ADK: variants seen among roughly 807,000 people sequenced by gnomAD.
ADK encodes the protein adenosine kinase.
ADK carries 24 observed loss-of-function variants against 44.7 expected under a neutral mutation model. That is an observed-to-expected ratio of 0.54 (90% CI 0.39 to 0.76). ADK has a LOEUF of 0.76. Ranked by LOEUF, ADK falls within the 30% of genes least tolerant of loss-of-function variation. The probability of loss-of-function intolerance (pLI) is 0.00; values close to 1 mark genes in which losing one functional copy is unlikely to be tolerated. For synonymous variants in ADK, 128 were observed against 142.6 expected (o/e 0.90, Z 0.73); for missense variants, 321 against 425.1 (o/e 0.76, Z 2.15).
At chr10:74,529,817 C>T (rs928894586) in intron 7 of ADK, among the ~76,000 whole-genome samples, 7 of 152,044 alleles carry the variant, frequency 4.6e-5, no homozygotes, top group African/African-American at 1.7e-4. Context: ...TCTGTCATTA[C>T]GTGGACTATA....
intron 1 of ADK, among the ~76,000 whole-genome samples, chr10:74,162,193 G>A (rs1841919611): frequency 6.6e-6 from 1 of 151,842 alleles, no homozygotes; most frequent in Admixed American, 6.6e-5. Context: ...GCTAAATTTT[G>A]TATTTTTAGT....
chr10:74,466,517 C>T (rs1201653525), intron 6 of ADK, among the ~76,000 whole-genome samples: 1 of 152,088 alleles, frequency 6.6e-6, no homozygotes, highest in Non-Finnish European at 1.5e-5. Flanking sequence ...GTTATCATCT[C>T]AAAGGGAAAA....
intron 6 of ADK, among the ~76,000 whole-genome samples, chr10:74,471,706 A>G (rs1057270598): frequency 5.3e-5 from 8 of 152,068 alleles, no homozygotes; most frequent in African/African-American, 1.7e-4. Flanking sequence ...GTGGTTTTCA[A>G]TGTAAAAATC....
At position 74,233,186 on chromosome 10, in the gene ADK, G is replaced by A. The variant is rs536457238; in HGVS notation, c.194+8595G>A. Among the ~76,000 whole-genome samples the A allele has an allele frequency of 2.4e-3, 359 of 152,238 alleles. 1 individual carries two copies. The highest frequency in any genetic ancestry group is 7.6e-3 in the African/African-American group (317 of 41,540). ...TATGATATTAAGAAATTTATTACAG[G>A]AATTAAATCTTATTCAATCATGAGA... On this transcript the variant is annotated intron_variant, in intron 3 of 10. Coordinates refer to ENST00000539909, the MANE Select transcript of ADK (RefSeq NM_006721.4).
At chr10:74,698,130 C>CCTCGT (rs772914006) in intron 10 of ADK, among the ~76,000 whole-genome samples, 53 of 152,202 alleles carry the variant, frequency 3.5e-4, no homozygotes, top group Non-Finnish European at 6.9e-4. Context: ...TCACCTTATG[C>CCTCGT]CTCGTCAGCT....
chr10:74,290,206 A>G (rs1261626998), intron 3 of ADK, among the ~76,000 whole-genome samples: 1 of 151,930 alleles, frequency 6.6e-6, no homozygotes, highest in Non-Finnish European at 1.5e-5. Context: ...TGTCTCTGAG[A>G]GTTAGCTTCA....
At chr10:74,431,111 A>C (rs1844979748) in intron 6 of ADK, among the ~76,000 whole-genome samples, 1 of 147,720 alleles carries the variant, frequency 6.8e-6, no homozygotes. Context: ...CATGTGAGAG[A>C]TGATGGTAGC....
At chr10:74,383,240 A>G (rs1318940158) in intron 4 of ADK, among the ~76,000 whole-genome samples, 1 of 152,178 alleles carries the variant, frequency 6.6e-6, no homozygotes, top group African/African-American at 2.4e-5. Context: ...ACCTCTAGAT[A>G]GAGTATATGC....
chr10:74,391,825 A>G (rs1843345741), intron 4 of ADK, among the ~76,000 whole-genome samples: 1 of 151,640 alleles, frequency 6.6e-6, no homozygotes, highest in South Asian at 2.1e-4. Flanking sequence ...CAACACTGAA[A>G]CTCTGTACCC....
chr10:74,423,529 A>G (rs1164509944), intron 6 of ADK: 2 of 208,422 alleles, frequency 9.6e-6, no homozygotes, highest in African/African-American at 2.4e-5. Flanking sequence ...GGGGCTTATT[A>G]GGAATCTTCT....
chr10:74,203,760 T>G (rs111810622), intron 2 of ADK, among the ~76,000 whole-genome samples: 17 of 149,822 alleles, frequency 1.1e-4, no homozygotes, highest in East Asian at 3.9e-4. Flanking sequence ...TTTTCAAGAT[T>G]ATTATTATTA....
intron 10 of ADK, among the ~76,000 whole-genome samples, chr10:74,678,359 T>TA (rs571487929): frequency 7.8e-4 from 118 of 152,116 alleles, no homozygotes; most frequent in African/African-American, 2.8e-3. Flanking sequence ...CTTCGTTAGT[T>TA]AAAAAAATGT....
chr10:74,555,025 G>T (rs1036730296), intron 7 of ADK, among the ~76,000 whole-genome samples: 2 of 151,548 alleles, frequency 1.3e-5, no homozygotes, highest in Non-Finnish European at 2.9e-5. Context: ...GGCTGGGCAC[G>T]GTGGCTCACG....
intron 6 of ADK, among the ~76,000 whole-genome samples, chr10:74,508,622 A>G (rs927263139): frequency 2.0e-5 from 3 of 152,222 alleles, no homozygotes; most frequent in Non-Finnish European, 2.9e-5. Flanking sequence ...AATTTTTAAA[A>G]TAAGTTTACT....
chr10:74,677,368 C>G (rs1366557129), intron 10 of ADK, among the ~76,000 whole-genome samples: 3 of 152,228 alleles, frequency 2.0e-5, no homozygotes, highest in Non-Finnish European at 4.4e-5. Flanking sequence ...TGGCACCTAT[C>G]TATACTTCTG....
chr10:74,677,539 C>G (rs1033301349), intron 10 of ADK, among the ~76,000 whole-genome samples: 7 of 152,178 alleles, frequency 4.6e-5, no homozygotes, highest in Admixed American at 3.9e-4. Flanking sequence ...TTTTTCTACA[C>G]TACCCCCTTC....
intron 6 of ADK, among the ~76,000 whole-genome samples, chr10:74,523,982 C>T (rs1193695238): frequency 6.6e-6 from 1 of 152,180 alleles, no homozygotes; most frequent in South Asian, 2.1e-4. Context: ...ACCCCTCTTG[C>T]ACATTGCCCA....
At chr10:74,344,389 G>A (rs531560080) in intron 4 of ADK, among the ~76,000 whole-genome samples, 2 of 152,088 alleles carry the variant, frequency 1.3e-5, no homozygotes, top group East Asian at 1.9e-4. Flanking sequence ...GATTATTCCC[G>A]GTAAATAGGA....
chr10:74,468,134 G>A (rs1166311388), intron 6 of ADK, among the ~76,000 whole-genome samples: 1 of 152,168 alleles, frequency 6.6e-6, no homozygotes, highest in Non-Finnish European at 1.5e-5. Flanking sequence ...AGAAGATGGT[G>A]TTGTAGCAAG....
Sources: gnomAD v4.1 joint callset for allele counts (sites outside exome capture counted in the v4.1 genomes callset) on GRCh38, gnomAD v4.1.1 for gene constraint, MANE v1.5 for transcripts, NCBI Gene and HGNC (gene_info 2026-07-23, HGNC 2026-07-21) for gene names.